The following UBE2H variants were observed in gnomAD, a reference collection of about 807,000 sequenced individuals.
UBE2H encodes ubiquitin-conjugating enzyme E2 H.
In UBE2H, 3 loss-of-function variants were observed where a neutral mutation model predicts 29.0. The ratio of observed to expected loss-of-function variants is 0.10; its 90% CI spans 0.05 to 0.27. The LOEUF (loss-of-function observed/expected upper bound fraction) is 0.27, where lower values mean the gene tolerates loss of function less well. Among genes scored for constraint, UBE2H ranks in the 10% least tolerant of loss-of-function variants. The pLI, the probability that UBE2H is intolerant of heterozygous loss-of-function variation, is 1.00. For missense variants in UBE2H, 68 were observed against 228.2 expected (o/e 0.30, Z 4.52); for synonymous variants, 69 against 82.9 (o/e 0.83, Z 0.91).
intron 1 of UBE2H, among the ~76,000 whole-genome samples, chr7:129,934,957 GTA>G (rs1261437663): frequency 7.4e-5 from 11 of 149,518 alleles, no homozygotes; most frequent in Middle Eastern, 3.4e-3. Flanking sequence ...GTGTGTGTGT[GTA>G]TATATATGTG....
Position 129,843,336 on chromosome 7 carries a change from C to T in UBE2H, c.299-4001G>A, listed in dbSNP as rs139575690. On this transcript the variant is annotated intron_variant, in intron 5 of 6. Coordinates refer to ENST00000355621, the MANE Select transcript of UBE2H (RefSeq NM_003344.4). ...TATTAACAGTAATGGCAGGTTAATGCTTACATAGTGCTTACTACAAGCAAG... is the reference window on the plus strand; with the variant it reads ...TATTAACAGTAATGGCAGGTTAATGTTTACATAGTGCTTACTACAAGCAAG... 4.5e-3 allele frequency among the ~76,000 whole-genome samples: 669 copies of T among 148,240 alleles called. 5 individuals carry two copies. Among genetic ancestry groups the T allele is most frequent in the African/African-American group, 0.015 (600 of 40,948 alleles).
rs1350216938 is a variant in UBE2H, at chr7:129,831,346, A to G, written c.*3591T>C. On this transcript the variant is annotated 3_prime_UTR_variant, in exon 7 of 7. Transcript: ENST00000355621. ...TAAGTCACTGAAACAAGGAAGGGCC[A>G]CATGCCATTTAAAATCAAACACTAG... 1 of 152,252 alleles carries G rather than the reference A, an allele frequency of 6.6e-6. No homozygotes were observed. Among genetic ancestry groups the G allele is most frequent in the Admixed American group, 6.5e-5 (1 of 15,286 alleles). The allele number at this position is 152,252 out of a possible 1,614,324, so 9.4% of individuals were successfully genotyped here. A position where few individuals can be genotyped will look rare whatever the true frequency, so the allele number is the denominator to read the frequency against.
At chr7:129,859,499 A>G (rs1229307203) in intron 3 of UBE2H, among the ~76,000 whole-genome samples, 1 of 152,202 alleles carries the variant, frequency 6.6e-6, no homozygotes, top group Non-Finnish European at 1.5e-5. Flanking sequence ...TAGTCTACTC[A>G]TTCAGGGAAA....
At chr7:129,847,476 T>C (rs1805533012) in intron 5 of UBE2H, among the ~76,000 whole-genome samples, 1 of 151,980 alleles carries the variant, frequency 6.6e-6, no homozygotes, top group Admixed American at 6.6e-5. Context: ...TCACAACTAC[T>C]ACACTCCAGC....
intron 6 of UBE2H, 27 bp downstream of exon 6, chr7:129,839,180 T>G: frequency 6.2e-7 from 1 of 1,603,470 alleles, no homozygotes; most frequent in African/African-American, 1.3e-5. Flanking sequence ...TTCTTTTGTC[T>G]CCAGGTTAAA....
At chr7:129,842,739 C>G (rs1051289882) in intron 5 of UBE2H, among the ~76,000 whole-genome samples, 7 of 151,024 alleles carry the variant, frequency 4.6e-5, no homozygotes, top group African/African-American at 1.5e-4. Context: ...CCCGTTTCTA[C>G]TAAAAATACA....
rs554335423 is a variant in UBE2H at position 129,873,361 on chromosome 7, A to G, written c.205+6207T>C. 5.5e-5 allele frequency among the ~76,000 whole-genome samples: 8 copies of G among 144,528 alleles called. No homozygotes were observed. The South Asian group carries it at 1.3e-3, about 24-fold the overall frequency. 94.8% of individuals were successfully genotyped at this position (144,528 alleles called of 152,430 possible). A position where few individuals can be genotyped will look rare whatever the true frequency, so the allele number is the denominator to read the frequency against. ...CTATTGTATTGCCCATGACTTTTTC[A>G]TTTTGTCTCCATTTACTCAAATGGG... On this transcript the variant is annotated intron_variant, in intron 3 of 6. Transcript: ENST00000355621.
chr7:129,837,720 G>C (rs915527613), intron 6 of UBE2H, among the ~76,000 whole-genome samples: 51 of 152,290 alleles, frequency 3.3e-4, no homozygotes, highest in African/African-American at 1.2e-3. Context: ...ACAAAGAAAA[G>C]ATGCAGGAGG....
intron 5 of UBE2H, among the ~76,000 whole-genome samples, chr7:129,840,366 T>A (rs1057432918): frequency 2.0e-5 from 3 of 151,860 alleles, no homozygotes; most frequent in East Asian, 3.9e-4. Flanking sequence ...TTTTTTTTTT[T>A]AAATAGAGAC....
At position 129,952,723 on chromosome 7, in the gene UBE2H, G is replaced by C; in HGVS notation, c.-168C>G. 4.4e-6 allele frequency: 3 copies of C among 686,608 alleles called. No individual in the cohort carries two copies. The highest frequency in any genetic ancestry group is 3.4e-5 in the South Asian group (1 of 29,510). 42.5% of individuals were successfully genotyped at this position (686,608 alleles called of 1,614,324 possible). A position where few individuals can be genotyped will look rare whatever the true frequency, so the allele number is the denominator to read the frequency against. On this transcript the variant is annotated 5_prime_UTR_variant, in exon 1 of 7. Coordinates refer to ENST00000355621, the MANE Select transcript of UBE2H (RefSeq NM_003344.4). Reference sequence around the variant, plus strand: ...GCCGCCCCCCGCACGGGGGAACACCGGGCACTGTCCGGCCGGGTGGGGGTG... The same window carrying C: ...GCCGCCCCCCGCACGGGGGAACACCCGGCACTGTCCGGCCGGGTGGGGGTG...
At chr7:129,863,081 G>A (rs1805831867) in intron 3 of UBE2H, among the ~76,000 whole-genome samples, 1 of 152,224 alleles carries the variant, frequency 6.6e-6, no homozygotes, top group Non-Finnish European at 1.5e-5. Flanking sequence ...GTCTCTGAAA[G>A]ACTAAGGTGC....
intron 1 of UBE2H, among the ~76,000 whole-genome samples, chr7:129,885,932 C>A (rs1331386412): frequency 1.3e-5 from 2 of 152,192 alleles, no homozygotes; most frequent in Non-Finnish European, 2.9e-5. Context: ...CCACGAGTTT[C>A]TTTCTCCTCT....
chr7:129,884,953 C>A (rs1806329735), intron 1 of UBE2H, among the ~76,000 whole-genome samples: 1 of 151,846 alleles, frequency 6.6e-6, no homozygotes, highest in Non-Finnish European at 1.5e-5. Flanking sequence ...ATAATCCCAG[C>A]ACTTTGGAAG....
chr7:129,851,805 T>A (rs541111790), intron 5 of UBE2H, among the ~76,000 whole-genome samples: 1 of 152,344 alleles, frequency 6.6e-6, no homozygotes, highest in African/African-American at 2.4e-5. Flanking sequence ...TCCATTTTTA[T>A]GTATATAACT....
intron 1 of UBE2H, among the ~76,000 whole-genome samples, chr7:129,942,841 GT>G (rs200758048): frequency 2.8e-4 from 41 of 146,438 alleles, no homozygotes; most frequent in South Asian, 4.3e-4. Context: ...AGTGTAATGT[GT>G]TTTTTTTTTT....
intron 1 of UBE2H, among the ~76,000 whole-genome samples, chr7:129,914,253 C>T (rs571917388): frequency 1.5e-4 from 23 of 152,084 alleles, no homozygotes; most frequent in South Asian, 8.3e-4. Context: ...CTGCAACCTC[C>T]GCCTCCCAGG....
In UBE2H at chr7:129,865,783, C is replaced by A. The variant is rs1173725249; in HGVS notation, c.206-6842G>T. Among the ~76,000 whole-genome samples, 3 of 152,210 alleles carry A rather than the reference C, an allele frequency of 2.0e-5. No homozygotes were observed. The East Asian group carries it at 5.8e-4, about 29-fold the overall frequency. ...CTGTTCACAACCAAACTGATTAATT[C>A]TATTTTTTCAGTAGGTATAATTGTT... is the stretch of plus-strand genomic sequence containing the variant. On this transcript the variant is annotated intron_variant, in intron 3 of 6. Coordinates refer to ENST00000355621, the MANE Select transcript of UBE2H (RefSeq NM_003344.4).
At chr7:129,912,383 C>T (rs780831351) in intron 1 of UBE2H, among the ~76,000 whole-genome samples, 2 of 151,972 alleles carry the variant, frequency 1.3e-5, no homozygotes, top group African/African-American at 4.8e-5. Flanking sequence ...AATTCATTTA[C>T]ATTTCTTTCT....
chr7:129,837,238 A>G (rs1156426348), intron 6 of UBE2H, among the ~76,000 whole-genome samples: 5 of 152,220 alleles, frequency 3.3e-5, no homozygotes, highest in Admixed American at 2.0e-4. Flanking sequence ...GGACTGACTG[A>G]AGCTGTGAGA....
Sources: gnomAD v4.1 joint callset for allele counts (sites outside exome capture counted in the v4.1 genomes callset) on GRCh38, gnomAD v4.1.1 for gene constraint, MANE v1.5 for transcripts, NCBI Gene and HGNC (gene_info 2026-07-23, HGNC 2026-07-21) for gene names.